ANKRD45: variants seen among roughly 807,000 people sequenced by gnomAD.
ANKRD45 encodes the protein ankyrin repeat domain-containing protein 45.
Under a neutral mutation model 28.1 loss-of-function variants are expected in ANKRD45, and 21 were observed. That is an observed-to-expected ratio of 0.75 (90% confidence interval 0.53 to 1.08). The LOEUF (loss-of-function observed/expected upper bound fraction) is 1.08, where lower values mean the gene tolerates loss of function less well. Among genes scored for constraint, ANKRD45 ranks in the 50% least tolerant of loss-of-function variants. ANKRD45 has a pLI of 0.00. For synonymous variants in ANKRD45, 86 were observed against 103.9 expected (o/e 0.83, Z 1.05); for missense variants, 261 against 308.7 (o/e 0.85, Z 1.16).
At position 173,610,143 on chromosome 1, in the gene ANKRD45, G is replaced by A; in HGVS notation, c.*2C>T. On this transcript the variant is annotated 3_prime_UTR_variant, in exon 6 of 6. Coordinates refer to ENST00000333279, the MANE Select transcript of ANKRD45 (RefSeq NM_198493.3). ...AAATGTGGCCTTTTACAGAACGTAT[G>A]TTCAGTTGGAGGTATCATCTTGACT... The A allele has an allele frequency of 6.2e-7, 1 of 1,613,860 alleles. No homozygotes were observed. The highest frequency in any genetic ancestry group is 2.2e-5 in the East Asian group (1 of 44,872).
At chr1:173,636,910 A>G in intron 3 of ANKRD45, 1 of 1,535,882 alleles carries the variant, frequency 6.5e-7, no homozygotes, top group Non-Finnish European at 8.7e-7. Context: ...CACTCCACAG[A>G]GTGGCAACCA....
chr1:173,619,412 C>T (rs895983068), intron 5 of ANKRD45, among the ~76,000 whole-genome samples: 3 of 151,898 alleles, frequency 2.0e-5, no homozygotes, highest in Admixed American at 2.0e-4. Context: ...TGCAAAGACA[C>T]ACATAGGCTC....
At chr1:173,633,378 A>G (rs974134312) in intron 3 of ANKRD45, among the ~76,000 whole-genome samples, 3 of 152,106 alleles carry the variant, frequency 2.0e-5, no homozygotes, top group Admixed American at 1.3e-4. Flanking sequence ...TTCCATGTTC[A>G]TAGATTGGAA....
At chr1:173,683,899 G>A in the ANKRD45 span, among the ~76,000 whole-genome samples, 11 of 152,140 alleles carry the variant, frequency 7.2e-5, no homozygotes, top group East Asian at 5.8e-4. Context: ...AATGGTGAGC[G>A]CACACTTGAA....
chr1:173,667,367 T>C (rs1165716425), intron 1 of ANKRD45, among the ~76,000 whole-genome samples: 2 of 152,160 alleles, frequency 1.3e-5, no homozygotes, highest in Non-Finnish European at 2.9e-5. Flanking sequence ...GAAACGTTCA[T>C]TGACATGGCT....
intron 4 of ANKRD45, among the ~76,000 whole-genome samples, chr1:173,625,446 G>C: frequency 6.6e-6 from 1 of 152,108 alleles, no homozygotes; most frequent in East Asian, 1.9e-4. Context: ...AGAAATACAA[G>C]AAAAGCTCCA....
intron 5 of ANKRD45, among the ~76,000 whole-genome samples, chr1:173,617,372 G>C (rs1402081791): frequency 2.0e-5 from 3 of 152,208 alleles, no homozygotes; most frequent in Non-Finnish European, 1.5e-5. Flanking sequence ...TGAGATGGAT[G>C]AGTTCCCAGA....
intron 5 of ANKRD45, among the ~76,000 whole-genome samples, chr1:173,613,992 C>T (rs1266733193): frequency 6.6e-6 from 1 of 152,206 alleles, no homozygotes; most frequent in African/African-American, 2.4e-5. Context: ...CTCTCTGAAA[C>T]ATGTGCTGTG....
At position 173,608,474 on chromosome 1, in the gene ANKRD45, C is replaced by T. The variant is rs1436472471; in HGVS notation, c.*1671G>A. On this transcript the variant is annotated 3_prime_UTR_variant, in exon 6 of 6. Transcript: ENST00000333279. ...CTGGGATTACAGGCACGTGCCACCA[C>T]ATACAGCTAAATTTTTGTATTTTTA... is the stretch of plus-strand genomic sequence containing the variant. Among the ~76,000 whole-genome samples the T allele has an allele frequency of 1.3e-5, 2 of 152,028 alleles. No homozygotes were observed. Among genetic ancestry groups the T allele is most frequent in the South Asian group, 2.1e-4 (1 of 4,812 alleles).
At chr1:173,678,086 T>A in the ANKRD45 span, among the ~76,000 whole-genome samples, 1 of 151,758 alleles carries the variant, frequency 6.6e-6, no homozygotes. Flanking sequence ...ACAAAAATGG[T>A]GAAACCAAAA....
intron 3 of ANKRD45, among the ~76,000 whole-genome samples, chr1:173,633,865 G>C (rs1222168493): frequency 6.6e-6 from 1 of 151,970 alleles, no homozygotes; most frequent in Non-Finnish European, 1.5e-5. Context: ...TTAAATATAA[G>C]ACCTCAAACT....
At chr1:173,696,853 A>G in the ANKRD45 span, among the ~76,000 whole-genome samples, 1 of 152,302 alleles carries the variant, frequency 6.6e-6, no homozygotes, top group South Asian at 2.1e-4. Context: ...GAAGGTCGGT[A>G]ATAATAAACT....
At chr1:173,614,991 G>C (rs1667397330) in intron 5 of ANKRD45, among the ~76,000 whole-genome samples, 1 of 151,786 alleles carries the variant, frequency 6.6e-6, no homozygotes, top group African/African-American at 2.4e-5. Flanking sequence ...TAATTTTTTT[G>C]TATTTTTAGT....
At chr1:173,688,583 CCTCTCTCTCTCTCTGCCTCTTCCT>C in the ANKRD45 span, among the ~76,000 whole-genome samples, 1 of 134,236 alleles carries the variant, frequency 7.4e-6, no homozygotes, top group Non-Finnish European at 1.6e-5. Flanking sequence ...TCTGCCGCTT[CCTCTCTCTCTCTCTGCCTCTTCCT>C]CTCTCTCTCT....
the ANKRD45 span, among the ~76,000 whole-genome samples, chr1:173,708,014 T>A: frequency 6.6e-6 from 1 of 152,276 alleles, no homozygotes; most frequent in African/African-American, 2.4e-5. Context: ...TCTGTTTATA[T>A]GCCCAAACCA....
chr1:173,709,490 T>G, the ANKRD45 span, among the ~76,000 whole-genome samples: 1 of 152,116 alleles, frequency 6.6e-6, no homozygotes, highest in African/African-American at 2.4e-5. Flanking sequence ...TGTTAGTCAC[T>G]AGGTTCAGCC....
the ANKRD45 span, among the ~76,000 whole-genome samples, chr1:173,696,929 G>C: frequency 6.6e-6 from 1 of 152,150 alleles, no homozygotes; most frequent in South Asian, 2.1e-4. Context: ...AAAAAGATTA[G>C]ATGAATGGCT....
At chr1:173,624,370 G>C (rs150508688) in intron 5 of ANKRD45, among the ~76,000 whole-genome samples, 9 of 152,060 alleles carry the variant, frequency 5.9e-5, no homozygotes, top group African/African-American at 2.2e-4. Context: ...ATGCCTGCCT[G>C]TGGTCCCAGC....
intron 3 of ANKRD45, chr1:173,635,837 CA>C (rs1355068391): frequency 2.6e-6 from 4 of 1,517,672 alleles, no homozygotes; most frequent in Non-Finnish European, 3.5e-6. Context: ...GAAGAAACAC[CA>C]AAAAAAGGTG....
Sources: allele counts gnomAD v4.1 joint callset (sites outside exome capture counted in the v4.1 genomes callset), GRCh38; gene constraint gnomAD v4.1.1; transcripts MANE v1.5; gene names NCBI Gene and HGNC (gene_info 2026-07-23, HGNC 2026-07-21).